KRAS: variants seen among roughly 807,000 people sequenced by gnomAD.
The protein encoded by KRAS is GTPase KRas.
A neutral mutation model predicts 21.0 loss-of-function variants in KRAS; 1 was observed. The ratio of observed to expected loss-of-function variants is 0.05; its 90% CI spans 0.02 to 0.23. The LOEUF is 0.23. Ranked by LOEUF, KRAS falls within the 10% of genes least tolerant of loss-of-function variation. The pLI is 1.00. For missense variants in KRAS, 107 were observed against 221.8 expected (o/e 0.48, Z 3.29); for synonymous variants, 67 against 72.5 (o/e 0.92, Z 0.39).
chr12:25,243,064 T>C (rs946699318), intron 2 of KRAS, among the ~76,000 whole-genome samples: 1 of 152,192 alleles, frequency 6.6e-6, no homozygotes, highest in African/African-American at 2.4e-5. Flanking sequence ...TCATATCCTT[T>C]CTAATTTTCT....
intron 1 of KRAS, among the ~76,000 whole-genome samples, chr12:25,246,914 CA>C (rs60777057): frequency 0.045 from 6,347 of 142,356 alleles, 166 homozygotes; most frequent in South Asian, 0.1. Context: ...CACTCCGTCT[CA>C]AAAAAAAAAA....
Position 25,209,167 on chromosome 12 carries a change from AT to A in KRAS, c.*627del. On this transcript the variant is annotated 3_prime_UTR_variant, in exon 5 of 5. Coordinates refer to ENST00000311936, the MANE Select transcript of KRAS (RefSeq NM_004985.5). ...TTATAATAGTTTCCATTGCCTTGTA[AT>A]TTTTTTCCATTTTTTTCTTTTTATA... is the stretch of plus-strand genomic sequence containing the variant. The A allele has an allele frequency of 1.1e-5, 7 of 658,198 alleles. No homozygotes were observed. Among genetic ancestry groups the A allele is most frequent in the Admixed American group, 4.6e-5 (2 of 43,774 alleles). 40.8% of individuals were successfully genotyped at this position (658,198 alleles called of 1,614,324 possible). A position where few individuals can be genotyped will look rare whatever the true frequency, so the allele number is the denominator to read the frequency against.
At chr12:25,221,092 TAA>T (rs1161782449) in intron 4 of KRAS, among the ~76,000 whole-genome samples, 6 of 151,712 alleles carry the variant, frequency 4.0e-5, no homozygotes, top group Admixed American at 1.3e-4. Context: ...TGAACTATGT[TAA>T]GTTTTACTTT....
At position 25,206,518 on chromosome 12, in the gene KRAS, C is replaced by T. The variant is rs1951140185; in HGVS notation, c.*3277G>A. 5.9e-6 allele frequency: 1 copy of T among 169,578 alleles called. No homozygotes were observed. Among genetic ancestry groups the T allele is most frequent in the Non-Finnish European group, 1.2e-5 (1 of 82,964 alleles). The allele number at this position is 169,578 out of a possible 1,614,324, so 10.5% of individuals were successfully genotyped here. ...CTTTTGTTAAACCATTCAAAGTTCACATAAAGGTAATTAACCACTACCTTA... is the reference window on the plus strand; with the variant it reads ...CTTTTGTTAAACCATTCAAAGTTCATATAAAGGTAATTAACCACTACCTTA... On this transcript the variant is annotated 3_prime_UTR_variant, in exon 5 of 5. Transcript: ENST00000311936.
chr12:25,213,839 A>G (rs1951225569), intron 4 of KRAS, among the ~76,000 whole-genome samples: 1 of 152,210 alleles, frequency 6.6e-6, no homozygotes, highest in Non-Finnish European at 1.5e-5. Flanking sequence ...GTATTTTCTG[A>G]GCAAGACAGA....
intron 2 of KRAS, among the ~76,000 whole-genome samples, chr12:25,242,894 A>G (rs746691998): frequency 3.9e-5 from 6 of 152,222 alleles, no homozygotes; most frequent in Non-Finnish European, 7.4e-5. Flanking sequence ...TCTCAGAGAC[A>G]TTATTGAAAG....
chr12:25,247,428 G>A (rs1250914956), intron 1 of KRAS, among the ~76,000 whole-genome samples: 1 of 152,146 alleles, frequency 6.6e-6, no homozygotes, highest in Non-Finnish European at 1.5e-5. Context: ...TAGACTTATT[G>A]GCTGCTTGTC....
At chr12:25,222,995 A>C (rs1951347225) in intron 4 of KRAS, among the ~76,000 whole-genome samples, 1 of 152,180 alleles carries the variant, frequency 6.6e-6, no homozygotes, top group East Asian at 1.9e-4. Context: ...ACCACCTAGG[A>C]GTTTGTTAGA....
At chr12:25,213,073 A>T (rs577624060) in intron 4 of KRAS, among the ~76,000 whole-genome samples, 64 of 151,744 alleles carry the variant, frequency 4.2e-4, no homozygotes, top group Middle Eastern at 6.8e-3. Context: ...TGTCAAATAA[A>T]TTTTTTTTTA....
In KRAS at chr12:25,205,833, C is replaced by G. The variant is rs998965312; in HGVS notation, c.*3962G>C. On this transcript the variant is annotated 3_prime_UTR_variant, in exon 5 of 5. Coordinates refer to ENST00000311936, the MANE Select transcript of KRAS (RefSeq NM_004985.5). ...TCTTAATCTAGTTATGACTATTCTTCAAGAACTCATGTGAGTATCTTTCTT... is the reference window on the plus strand; with the variant it reads ...TCTTAATCTAGTTATGACTATTCTTGAAGAACTCATGTGAGTATCTTTCTT... The G allele has an allele frequency of 3.3e-5, 7 of 215,136 alleles. No homozygotes were observed. The highest frequency in any genetic ancestry group is 4.7e-5 in the Non-Finnish European group (5 of 106,708). 13.3% of individuals were successfully genotyped at this position (215,136 alleles called of 1,614,324 possible).
intron 2 of KRAS, among the ~76,000 whole-genome samples, chr12:25,236,183 G>A (rs1198010871): frequency 6.6e-6 from 1 of 152,008 alleles, no homozygotes; most frequent in African/African-American, 2.4e-5. Flanking sequence ...CTTACGGAGG[G>A]TCATGTGTAT....
intron 2 of KRAS, among the ~76,000 whole-genome samples, chr12:25,228,755 G>A (rs1951426276): frequency 6.6e-6 from 1 of 152,088 alleles, no homozygotes; most frequent in African/African-American, 2.4e-5. Context: ...TCACTGAATT[G>A]AACACTTAAA....
chr12:25,244,651 A>G (rs1951653743), intron 2 of KRAS, among the ~76,000 whole-genome samples: 1 of 152,160 alleles, frequency 6.6e-6, no homozygotes, highest in South Asian at 2.1e-4. Flanking sequence ...CCTCAAAAAC[A>G]TGATAACAAT....
rs550644484 is a variant in KRAS at position 25,212,678 on chromosome 12, C to T, written c.451-2767G>A. 8.1e-4 allele frequency among the ~76,000 whole-genome samples: 123 copies of T among 152,274 alleles called. 1 individual carries two copies. The highest frequency in any genetic ancestry group is 3.1e-4 in the Non-Finnish European group (21 of 68,008). On this transcript the variant is annotated intron_variant, in intron 4 of 4. Transcript: ENST00000311936. ...CTCATATGAGAACTAATCATTCTCACACATACACATAACATTATCTTTTTC... is the reference window on the plus strand; with the variant it reads ...CTCATATGAGAACTAATCATTCTCATACATACACATAACATTATCTTTTTC...
In KRAS at chr12:25,220,260, A is replaced by G. The variant is rs61762424; in HGVS notation, c.450+5354T>C. 5.3e-5 allele frequency among the ~76,000 whole-genome samples: 8 copies of G among 152,308 alleles called. No homozygotes were observed. In the South Asian group the frequency reaches 1.5e-3, roughly 28 times the overall value. On this transcript the variant is annotated intron_variant, in intron 4 of 4. Transcript: ENST00000311936. ...GTGAACTAGGTAACAGTCCTTATAC[A>G]CTAGGAACATAGGGACTACACAATG...
In KRAS at chr12:25,208,724, C is replaced by A. The variant is rs1951170643; in HGVS notation, c.*1071G>T. 4.3e-6 allele frequency: 1 copy of A among 232,954 alleles called. No individual in the cohort carries two copies. The highest frequency in any genetic ancestry group is 2.2e-5 in the African/African-American group (1 of 45,432). 14.4% of individuals were successfully genotyped at this position (232,954 alleles called of 1,614,324 possible). On this transcript the variant is annotated 3_prime_UTR_variant, in exon 5 of 5. Coordinates refer to ENST00000311936, the MANE Select transcript of KRAS (RefSeq NM_004985.5). ...TTTGACTAACCAATGCATGACAACA[C>A]TGGATGACCGTGGGGACACAGTCCA...
At chr12:25,240,234 T>G (rs1239845082) in intron 2 of KRAS, among the ~76,000 whole-genome samples, 2 of 152,144 alleles carry the variant, frequency 1.3e-5, no homozygotes, top group Admixed American at 1.3e-4. Context: ...TAATAATGGT[T>G]AAGAGACGCC....
chr12:25,219,023 G>A lies in KRAS; in HGVS notation c.450+6591C>T, dbSNP rs543554234. 2.0e-5 allele frequency among the ~76,000 whole-genome samples: 3 copies of A among 150,008 alleles called. No individual in the cohort carries two copies. In the Admixed American group the frequency reaches 2.0e-4, roughly 10 times the overall value. On this transcript the variant is annotated intron_variant, in intron 4 of 4. Coordinates refer to ENST00000311936, the MANE Select transcript of KRAS (RefSeq NM_004985.5). ...GGTGCAATCTCGGCTCACTGCAACC[G>A]CCACCTCCGGGTTCAAGCGATTCTC...
chr12:25,222,188 A>T (rs1951336228), intron 4 of KRAS, among the ~76,000 whole-genome samples: 1 of 151,256 alleles, frequency 6.6e-6, no homozygotes, highest in Non-Finnish European at 1.5e-5. Context: ...TAAATAAATA[A>T]ATAAATAAAT....
Sources: allele counts gnomAD v4.1 joint callset (sites outside exome capture counted in the v4.1 genomes callset), GRCh38; gene constraint gnomAD v4.1.1; transcripts MANE v1.5; gene names NCBI Gene and HGNC (gene_info 2026-07-23, HGNC 2026-07-21).